HECW2: variants seen among roughly 807,000 people sequenced by gnomAD.
HECW2 encodes E3 ubiquitin-protein ligase HECW2.
HECW2 carries 61 observed loss-of-function variants against 175.2 expected under a neutral mutation model. The ratio of observed to expected loss-of-function variants is 0.35; its 90% CI spans 0.28 to 0.43. The LOEUF is 0.43. Ranked by LOEUF, HECW2 falls within the 20% of genes least tolerant of loss-of-function variation. The pLI, the probability that HECW2 is intolerant of heterozygous loss-of-function variation, is 1.00. For synonymous variants in HECW2, 671 were observed against 731.0 expected, an observed-to-expected ratio of 0.92 and a Z score of 1.32; for missense variants, 1,524 against 2,000.5, an observed-to-expected ratio of 0.76 and a Z score of 4.54.
chr2:196,466,324 T>C (rs1696952007), intron 1 of HECW2, among the ~76,000 whole-genome samples: 1 of 152,244 alleles, frequency 6.6e-6, no homozygotes, highest in African/African-American at 2.4e-5. Context: ...AATGAAAATA[T>C]TTACACTTCA....
chr2:196,316,786 G>A (rs1487467555), intron 10 of HECW2: 1 of 153,892 alleles, frequency 6.5e-6, no homozygotes, highest in Non-Finnish European at 1.4e-5. Context: ...CAAATAACTA[G>A]TAGACTAATT....
At chr2:196,504,295 C>A (rs373272988) in intron 1 of HECW2, among the ~76,000 whole-genome samples, 919 of 93,428 alleles carry the variant, frequency 9.8e-3, no homozygotes, top group Middle Eastern at 0.019. Context: ...AACTCTGTCT[C>A]AAAAAAAAAA....
chr2:196,396,880 GGC>G (rs1419988666), intron 2 of HECW2, among the ~76,000 whole-genome samples: 1 of 151,866 alleles, frequency 6.6e-6, no homozygotes, highest in African/African-American at 2.4e-5. Flanking sequence ...GGGAGGCCGA[GGC>G]GGACGGATCA....
rs1687824356 is a variant in HECW2, at chr2:196,225,654, A to G, written c.4016+118T>C. The G allele has an allele frequency of 9.3e-6, 6 of 645,252 alleles. No individual in the cohort carries two copies. The East Asian group carries it at 1.7e-4, about 18-fold the overall frequency. The allele number at this position is 645,252 out of a possible 1,614,324, so 40.0% of individuals were successfully genotyped here. ...GAAATCTAAACCACTATTAGGTTTA[A>G]TAACAACAAATTTGAGATTGTGAAC... is the stretch of plus-strand genomic sequence containing the variant. On this transcript the variant is annotated intron_variant, in intron 23 of 28. Transcript: ENST00000644978.
At chr2:196,426,226 C>T (rs779587415) in intron 2 of HECW2, among the ~76,000 whole-genome samples, 1 of 152,174 alleles carries the variant, frequency 6.6e-6, no homozygotes, top group South Asian at 2.1e-4. Flanking sequence ...CTTTTATATG[C>T]ACTGAGAAAC....
At chr2:196,213,420 G>A (rs753464376) in intron 28 of HECW2, among the ~76,000 whole-genome samples, 3 of 152,140 alleles carry the variant, frequency 2.0e-5, no homozygotes, top group Non-Finnish European at 4.4e-5. Flanking sequence ...TTAGGATGAT[G>A]TAACTAGTGT....
chr2:196,254,124 G>A, intron 18 of HECW2, 95 bp from the exon 19 acceptor site: 1 of 1,513,440 alleles, frequency 6.6e-7, no homozygotes, highest in Non-Finnish European at 8.9e-7. Flanking sequence ...CCAAGATCCG[G>A]TTTATATCCC....
At chr2:196,209,765 CTT>C (rs59896485) in intron 28 of HECW2, among the ~76,000 whole-genome samples, 34,047 of 139,648 alleles carry the variant, frequency 0.24, 4,053 homozygotes, top group East Asian at 0.51. Flanking sequence ...TTCTTTCTTT[CTT>C]TTTTTTTTTT....
intron 17 of HECW2, among the ~76,000 whole-genome samples, chr2:196,262,672 T>A (rs1429187951): frequency 6.6e-6 from 1 of 150,798 alleles, no homozygotes; most frequent in Admixed American, 6.6e-5. Context: ...TTCAAGTGAT[T>A]CTCCTGCCTC....
chr2:196,406,030 C>A (rs1372823618), intron 2 of HECW2, among the ~76,000 whole-genome samples: 2 of 152,136 alleles, frequency 1.3e-5, no homozygotes, highest in Non-Finnish European at 2.9e-5. Context: ...ACTGACTATT[C>A]TTTTTCAGCC....
intron 2 of HECW2, among the ~76,000 whole-genome samples, chr2:196,370,970 T>A (rs1693892530): frequency 6.6e-6 from 1 of 152,212 alleles, no homozygotes; most frequent in African/African-American, 2.4e-5. Flanking sequence ...TTCAGTGGCA[T>A]GAAATTAAAA....
At chr2:196,530,867 G>T (rs529667591) in intron 1 of HECW2, among the ~76,000 whole-genome samples, 2 of 152,158 alleles carry the variant, frequency 1.3e-5, no homozygotes, top group Non-Finnish European at 1.5e-5. Flanking sequence ...GTACCTTAAA[G>T]TATGTCCTAA....
At chr2:196,231,669 T>C (rs1688061071) in intron 21 of HECW2, among the ~76,000 whole-genome samples, 1 of 151,858 alleles carries the variant, frequency 6.6e-6, no homozygotes, top group Non-Finnish European at 1.5e-5. Flanking sequence ...AGAAAGAAAA[T>C]AGGAGGAAAA....
intron 21 of HECW2, among the ~76,000 whole-genome samples, chr2:196,228,644 G>GT (rs1226732089): frequency 6.6e-6 from 1 of 152,170 alleles, no homozygotes; most frequent in East Asian, 1.9e-4. Flanking sequence ...TTTAAACAGG[G>GT]TAAAACCAGG....
intron 18 of HECW2, among the ~76,000 whole-genome samples, chr2:196,257,238 CT>C (rs1689091799): frequency 6.6e-6 from 1 of 150,566 alleles, no homozygotes; most frequent in South Asian, 2.1e-4. Context: ...CTAAACTACT[CT>C]AAAATTTAAA....
At chr2:196,554,717 C>G (rs1209806608) in intron 1 of HECW2, among the ~76,000 whole-genome samples, 1 of 152,216 alleles carries the variant, frequency 6.6e-6, no homozygotes, top group South Asian at 2.1e-4. Flanking sequence ...TAATTTCCAC[C>G]AGCTTCATCT....
intron 1 of HECW2, among the ~76,000 whole-genome samples, chr2:196,497,424 C>G (rs543223104): frequency 7.9e-4 from 121 of 152,284 alleles, no homozygotes; most frequent in Non-Finnish European, 1.3e-3. Context: ...CTTTGTATCT[C>G]AAGGACCAGC....
At chr2:196,337,658 T>A (rs1692600546) in intron 3 of HECW2, among the ~76,000 whole-genome samples, 1 of 151,856 alleles carries the variant, frequency 6.6e-6, no homozygotes, top group African/African-American at 2.4e-5. Flanking sequence ...ATAATATATG[T>A]TATATATCTA....
At chr2:196,261,075 C>T (rs1360516911) in intron 17 of HECW2, among the ~76,000 whole-genome samples, 1 of 152,134 alleles carries the variant, frequency 6.6e-6, no homozygotes, top group East Asian at 1.9e-4. Context: ...ACCTGGCTGC[C>T]CTTAGGCTGT....
Sources: allele counts gnomAD v4.1 joint callset (sites outside exome capture counted in the v4.1 genomes callset), GRCh38; gene constraint gnomAD v4.1.1; transcripts MANE v1.5; gene names NCBI Gene and HGNC (gene_info 2026-07-23, HGNC 2026-07-21).